Variants in BABAM2 observed in about 807,000 individuals in gnomAD.
The protein encoded by BABAM2 is BRISC and BRCA1 A complex member 2.
A neutral mutation model predicts 54.7 loss-of-function variants in BABAM2; 31 were observed. The observed-to-expected ratio is 0.57, with a 90% CI of 0.43 to 0.77. BABAM2 has a LOEUF of 0.77. Among genes scored for constraint, BABAM2 ranks in the 30% least tolerant of loss-of-function variants. The pLI is 0.00. For missense variants in BABAM2, 364 were observed against 455.8 expected (o/e 0.80, Z 1.83); for synonymous variants, 167 against 162.9 (o/e 1.03, Z -0.19).
At chr2:28,146,312 A>G (rs1230490460) in intron 7 of BABAM2, among the ~76,000 whole-genome samples, 1 of 152,216 alleles carries the variant, frequency 6.6e-6, no homozygotes. Flanking sequence ...CCTCTTGGCT[A>G]GAATTCTTGT....
rs1558346715 is a variant in BABAM2 at position 28,112,147 on chromosome 2, T to TTCCTTCCTTCCC, written c.571-17123_571-17122insCCTTCCTTCCCT. On this transcript the variant is annotated intron_variant, in intron 6 of 11. Coordinates refer to ENST00000379624, the MANE Select transcript of BABAM2 (RefSeq NM_199191.3). The stretch of plus-strand genomic sequence containing the variant: ...TTTCTTTCTTTCTTTCTTTCTTTCT[T>TTCCTTCCTTCCC]TACCTCCCTCCCTCCCTCCCTCCCT... 1.1e-3 allele frequency among the ~76,000 whole-genome samples: 6 copies of TTCCTTCCTTCCC among 5,248 alleles called. 1 individual carries two copies. Among genetic ancestry groups the TTCCTTCCTTCCC allele is most frequent in the African/African-American group, 1.9e-3 (2 of 1,030 alleles). The allele number at this position is 5,248 out of a possible 152,430, so 3.4% of individuals were successfully genotyped here.
intron 2 of BABAM2, among the ~76,000 whole-genome samples, chr2:27,900,121 A>G (rs1281173998): frequency 6.6e-6 from 1 of 152,216 alleles, no homozygotes; most frequent in African/African-American, 2.4e-5. Context: ...CCTTTCTTTT[A>G]GATCTTCAGC....
chr2:27,930,644 G>A (rs567293637), intron 3 of BABAM2, among the ~76,000 whole-genome samples: 1 of 152,318 alleles, frequency 6.6e-6, no homozygotes, highest in African/African-American at 2.4e-5. Context: ...TAAACTGAAT[G>A]TGTCTGTGGG....
intron 3 of BABAM2, among the ~76,000 whole-genome samples, chr2:27,948,189 T>A (rs1046428916): frequency 1.3e-5 from 2 of 152,088 alleles, no homozygotes; most frequent in African/African-American, 4.8e-5. Context: ...AAATATTTAA[T>A]ATATTTTGAT....
intron 10 of BABAM2, among the ~76,000 whole-genome samples, chr2:28,259,074 CTTTTTTTTTTTTTTTTTTTTTT>C (rs70956009): frequency 1.7e-4 from 4 of 23,424 alleles, no homozygotes; most frequent in Admixed American, 6.5e-4. Context: ...TGCACCTGGC[CTTTTTTTTTTTTTTTTTTTTTT>C]TTTTTTTTTT....
chr2:28,152,897 T>C (rs1672190544), intron 7 of BABAM2, among the ~76,000 whole-genome samples: 1 of 152,214 alleles, frequency 6.6e-6, no homozygotes, highest in Admixed American at 6.5e-5. Flanking sequence ...ATATGCTTTT[T>C]CTTGCCAGTG....
At chr2:28,047,767 G>A (rs1201795878) in intron 6 of BABAM2, among the ~76,000 whole-genome samples, 1 of 152,114 alleles carries the variant, frequency 6.6e-6, no homozygotes, top group African/African-American at 2.4e-5. Context: ...CAACACTAAT[G>A]TCCTTCTGGA....
chr2:28,045,820 G>A, intron 6 of BABAM2, 21 bp downstream of exon 6: 1 of 1,571,708 alleles, frequency 6.4e-7, no homozygotes, highest in Non-Finnish European at 8.7e-7. Context: ...ATGATTTTCA[G>A]TATGAGAATA....
intron 6 of BABAM2, among the ~76,000 whole-genome samples, chr2:28,089,604 A>T (rs993180565): frequency 6.6e-6 from 1 of 152,242 alleles, no homozygotes; most frequent in Non-Finnish European, 1.5e-5. Context: ...TATTATCTAC[A>T]TCTTACAGAT....
intron 11 of BABAM2, among the ~76,000 whole-genome samples, chr2:28,332,922 C>T (rs1483795265): frequency 6.6e-6 from 1 of 152,158 alleles, no homozygotes; most frequent in East Asian, 1.9e-4. Context: ...TCTCTGCCTG[C>T]GATTGCCAGC....
In BABAM2 at chr2:28,042,338, T is replaced by C. The variant is rs531644658; in HGVS notation, c.496-3387T>C. On this transcript the variant is annotated intron_variant, in intron 5 of 11. Transcript: ENST00000379624. ...AAAGTCATGAGCCTGAATGAGATCA[T>C]CTGGGCATGTAAATAAAGAAAAGGG... Among the ~76,000 whole-genome samples, 33 of 152,272 alleles carry C rather than the reference T, an allele frequency of 2.2e-4. No homozygotes were observed. In the South Asian group the frequency reaches 6.0e-3, roughly 28 times the overall value.
intron 4 of BABAM2, among the ~76,000 whole-genome samples, chr2:27,994,233 A>G (rs2148498177): frequency 6.6e-6 from 1 of 152,322 alleles, no homozygotes; most frequent in African/African-American, 2.4e-5. Context: ...GGGGCACTTT[A>G]CCATATCCAT....
intron 5 of BABAM2, among the ~76,000 whole-genome samples, chr2:28,026,309 A>G (rs1675655214): frequency 6.6e-6 from 1 of 152,218 alleles, no homozygotes; most frequent in Non-Finnish European, 1.5e-5. Context: ...ACTGTTCACA[A>G]TAGCAAAGAC....
At chr2:28,130,580 G>A (rs1219117938) in intron 7 of BABAM2, among the ~76,000 whole-genome samples, 1 of 151,964 alleles carries the variant, frequency 6.6e-6, no homozygotes, top group African/African-American at 2.4e-5. Context: ...AGTCTCCCAA[G>A]TGGCTAGGAC....
chr2:28,132,583 T>TC, intron 7 of BABAM2, among the ~76,000 whole-genome samples: 2 of 152,288 alleles, frequency 1.3e-5, no homozygotes, highest in East Asian at 3.9e-4. Context: ...GCCTCTGTGC[T>TC]TTTGCTAAAG....
intron 7 of BABAM2, among the ~76,000 whole-genome samples, chr2:28,180,631 A>G (rs913503872): frequency 1.3e-5 from 2 of 152,162 alleles, no homozygotes; most frequent in Non-Finnish European, 2.9e-5. Context: ...ATATTAAATA[A>G]AAAAGCTTCT....
intron 5 of BABAM2, among the ~76,000 whole-genome samples, chr2:28,033,141 A>G (rs888333831): frequency 2.6e-4 from 40 of 152,188 alleles, no homozygotes; most frequent in African/African-American, 8.9e-4. Flanking sequence ...TATTGAAAGT[A>G]TATATCCTGT....
At chr2:28,336,758 G>A (rs745930598) in intron 11 of BABAM2, among the ~76,000 whole-genome samples, 1 of 152,250 alleles carries the variant, frequency 6.6e-6, no homozygotes, top group Non-Finnish European at 1.5e-5. Flanking sequence ...CGGGCAGCCG[G>A]TGGCACCAGC....
intron 3 of BABAM2, among the ~76,000 whole-genome samples, chr2:27,957,760 C>T (rs969406103): frequency 1.3e-5 from 2 of 152,088 alleles, no homozygotes; most frequent in Non-Finnish European, 2.9e-5. Flanking sequence ...TTTTCCTCCT[C>T]TTGAATCTGG....
Sources: gnomAD v4.1 joint callset for allele counts (sites outside exome capture counted in the v4.1 genomes callset) on GRCh38, gnomAD v4.1.1 for gene constraint, MANE v1.5 for transcripts, NCBI Gene and HGNC (gene_info 2026-07-23, HGNC 2026-07-21) for gene names.